Variants in COX7B2 observed in about 807,000 individuals in gnomAD.
COX7B2 encodes cytochrome c oxidase subunit 7B2, also known as cytochrome c oxidase subunit 7B2, mitochondrial.
For missense variants in COX7B2, 109 were observed against 95.9 expected (o/e 1.14, Z -0.57); for synonymous variants, 37 against 32.1 (o/e 1.15, Z -0.51).
chr4:46,864,644 T>TTTTGTTTGTTTG (rs57824496), intron 1 of COX7B2, among the ~76,000 whole-genome samples: 10,890 of 149,202 alleles, frequency 0.073, 518 homozygotes, highest in South Asian at 0.19. Flanking sequence ...CAGAGTTGTT[T>TTTTGTTTGTTTG]TTTGTTTGTT....
At chr4:46,899,084 C>A (rs1719931640) in intron 1 of COX7B2, among the ~76,000 whole-genome samples, 1 of 152,162 alleles carries the variant, frequency 6.6e-6, no homozygotes, top group South Asian at 2.1e-4. Context: ...ATGCTATCTT[C>A]TTTATTTACC....
At chr4:46,802,460 C>T (rs1577721846) in intron 2 of COX7B2, among the ~76,000 whole-genome samples, 1 of 152,080 alleles carries the variant, frequency 6.6e-6, no homozygotes, top group African/African-American at 2.4e-5. Context: ...GAAATGCTAA[C>T]GTTGGAGATA....
chr4:46,778,236 G>A (rs539091192), intron 2 of COX7B2, among the ~76,000 whole-genome samples: 2 of 152,048 alleles, frequency 1.3e-5, no homozygotes, highest in Non-Finnish European at 2.9e-5. Flanking sequence ...CATGAACAAG[G>A]CTAAAACTTT....
In COX7B2 at chr4:46,853,444, T is replaced by C. The variant is rs80023098; in HGVS notation, c.-104-8430A>G. On this transcript the variant is annotated intron_variant, in intron 1 of 2. Coordinates refer to ENST00000355591, the MANE Select transcript of COX7B2 (RefSeq NM_130902.3). ...CTCAATTGTGGCATATACATAAACA[T>C]TTTAGAAAATATGTGTGTATAAAAT... Among the ~76,000 whole-genome samples, 479 of 152,268 alleles carry C rather than the reference T, an allele frequency of 3.1e-3. 5 individuals carry two copies. Among genetic ancestry groups the C allele is most frequent in the African/African-American group, 0.01 (434 of 41,574 alleles).
chr4:46,800,066 C>G (rs1560388583), intron 2 of COX7B2, among the ~76,000 whole-genome samples: 2 of 151,876 alleles, frequency 1.3e-5, no homozygotes, highest in Non-Finnish European at 2.9e-5. Flanking sequence ...TATAGCTAAC[C>G]AGGGAGCTGA....
chr4:46,873,484 T>C (rs1445208236), intron 1 of COX7B2, among the ~76,000 whole-genome samples: 2 of 152,266 alleles, frequency 1.3e-5, no homozygotes, highest in African/African-American at 2.4e-5. Context: ...GCATCTGTTG[T>C]TTCCTGACTT....
At chr4:46,868,709 T>G (rs1455753638) in intron 1 of COX7B2, among the ~76,000 whole-genome samples, 1 of 152,186 alleles carries the variant, frequency 6.6e-6, no homozygotes, top group African/African-American at 2.4e-5. Context: ...TGACTTCTAT[T>G]TGTTAATTGA....
intron 2 of COX7B2, among the ~76,000 whole-genome samples, chr4:46,763,459 A>C (rs1042199195): frequency 1.3e-5 from 2 of 151,548 alleles, no homozygotes; most frequent in Non-Finnish European, 2.9e-5. Context: ...TTTCTTTGAA[A>C]CATTTTCCAG....
At chr4:46,816,916 T>C (rs1719587812) in intron 2 of COX7B2, among the ~76,000 whole-genome samples, 1 of 152,218 alleles carries the variant, frequency 6.6e-6, no homozygotes, top group African/African-American at 2.4e-5. Flanking sequence ...CTCAGAGAAT[T>C]TTTTTAAGTG....
chr4:46,880,583 G>C (rs1560434711), intron 1 of COX7B2, among the ~76,000 whole-genome samples: 1 of 151,840 alleles, frequency 6.6e-6, no homozygotes, highest in Non-Finnish European at 1.5e-5. Context: ...TGTACATAAG[G>C]TGTTCGTAGT....
chr4:46,810,975 T>C (rs1032390981), intron 2 of COX7B2, among the ~76,000 whole-genome samples: 3 of 152,184 alleles, frequency 2.0e-5, no homozygotes, highest in African/African-American at 7.2e-5. Context: ...ATAATTCCAT[T>C]CTCTCCTAAA....
At chr4:46,775,815 AG>A (rs895026360) in intron 2 of COX7B2, among the ~76,000 whole-genome samples, 2 of 152,160 alleles carry the variant, frequency 1.3e-5, no homozygotes, top group Non-Finnish European at 2.9e-5. Context: ...TATCGTATAA[AG>A]AAAGAGACTT....
intron 1 of COX7B2, among the ~76,000 whole-genome samples, chr4:46,849,890 G>A (rs561826038): frequency 6.6e-6 from 1 of 152,030 alleles, no homozygotes; most frequent in South Asian, 2.1e-4. Context: ...TCTATTTTAA[G>A]AATATGTTCA....
intron 2 of COX7B2, among the ~76,000 whole-genome samples, chr4:46,770,834 T>A (rs1406452834): frequency 6.6e-6 from 1 of 152,102 alleles, no homozygotes; most frequent in Admixed American, 6.5e-5. Flanking sequence ...TCAAAAGGGA[T>A]TAAAGACTTA....
chr4:46,736,130 C>A (rs180995783), intron 2 of COX7B2, among the ~76,000 whole-genome samples: 1 of 152,110 alleles, frequency 6.6e-6, no homozygotes. Context: ...TAGTATCATA[C>A]AGAATAGTTT....
At chr4:46,843,802 G>C (rs1716095716) in intron 2 of COX7B2, among the ~76,000 whole-genome samples, 1 of 151,980 alleles carries the variant, frequency 6.6e-6, no homozygotes. Flanking sequence ...ATGTGATTTA[G>C]AATATTATGT....
chr4:46,774,205 A>AAAAC (rs886835788), intron 2 of COX7B2, among the ~76,000 whole-genome samples: 88 of 152,242 alleles, frequency 5.8e-4, no homozygotes, highest in African/African-American at 1.9e-3. Context: ...TGTTTATCTT[A>AAAAC]AAACAAACAA....
intron 2 of COX7B2, among the ~76,000 whole-genome samples, chr4:46,753,008 G>T (rs1223607153): frequency 6.6e-6 from 1 of 152,096 alleles, no homozygotes; most frequent in African/African-American, 2.4e-5. Flanking sequence ...GCTCCTCCTT[G>T]TACCTCTGGT....
intron 2 of COX7B2, among the ~76,000 whole-genome samples, chr4:46,747,322 GAGTC>G (rs2109418425): frequency 1.2e-5 from 1 of 80,090 alleles, no homozygotes; most frequent in Admixed American, 1.6e-4. Flanking sequence ...ATTATTTTCT[GAGTC>G]AGAGTCTCGC....
Sources: gnomAD v4.1 joint callset for allele counts (sites outside exome capture counted in the v4.1 genomes callset) on GRCh38, gnomAD v4.1.1 for gene constraint, MANE v1.5 for transcripts, NCBI Gene and HGNC (gene_info 2026-07-23, HGNC 2026-07-21) for gene names.